Variants in CHODL observed in about 807,000 individuals in gnomAD.
CHODL encodes chondrolectin.
A neutral mutation model predicts 34.5 loss-of-function variants in CHODL; 29 were observed. That is an observed-to-expected ratio of 0.84 (90% CI 0.63 to 1.15). CHODL has a LOEUF of 1.15. Among genes scored for constraint, CHODL ranks in the 50% most tolerant of loss-of-function variants. CHODL has a pLI of 0.00. For missense variants in CHODL, 332 were observed against 332.5 expected, an observed-to-expected ratio of 1.00 and a Z score of 0.01; for synonymous variants, 125 against 116.1, an observed-to-expected ratio of 1.08 and a Z score of -0.49.
intron 1 of CHODL, among the ~76,000 whole-genome samples, chr21:17,964,626 G>A (rs1459091434): frequency 6.6e-6 from 1 of 152,168 alleles, no homozygotes; most frequent in African/African-American, 2.4e-5. Context: ...GTTTCTAACA[G>A]GTTAAGGATT....
chr21:17,976,947 G>T (rs936272855), intron 1 of CHODL, among the ~76,000 whole-genome samples: 2 of 152,130 alleles, frequency 1.3e-5, no homozygotes, highest in African/African-American at 4.8e-5. Flanking sequence ...ATTGTTGTCA[G>T]TTTCATCATA....
intron 1 of CHODL, among the ~76,000 whole-genome samples, chr21:18,247,431 C>A (rs1233653100): frequency 6.6e-6 from 1 of 152,088 alleles, no homozygotes; most frequent in Non-Finnish European, 1.5e-5. Flanking sequence ...CAAAATAATT[C>A]TCCACATAAA....
intron 2 of CHODL, among the ~76,000 whole-genome samples, chr21:18,047,948 G>A (rs529326216): frequency 7.0e-4 from 106 of 151,944 alleles, no homozygotes; most frequent in African/African-American, 2.5e-3. Context: ...TGGGAAAATG[G>A]CCACCAACTT....
chr21:18,166,150 G>A (rs962939179), intron 2 of CHODL, among the ~76,000 whole-genome samples: 1 of 152,050 alleles, frequency 6.6e-6, no homozygotes, highest in African/African-American at 2.4e-5. Flanking sequence ...TGTGTGGCTC[G>A]GGGCTGAGGA....
intron 2 of CHODL, among the ~76,000 whole-genome samples, chr21:18,185,636 T>C (rs892913483): frequency 3.9e-4 from 59 of 152,282 alleles, no homozygotes; most frequent in African/African-American, 1.4e-3. Flanking sequence ...TCAAACTTGT[T>C]TAGGCACATA....
chr21:18,146,997 C>A, intron 2 of CHODL, among the ~76,000 whole-genome samples: 1 of 152,232 alleles, frequency 6.6e-6, no homozygotes, highest in Admixed American at 6.5e-5. Flanking sequence ...TCTTTTAATC[C>A]TTTTAGCTTT....
Position 17,956,565 on chromosome 21 carries a change from C to T in CHODL, c.-145+39165C>T, listed in dbSNP as rs1437503129. Among the ~76,000 whole-genome samples, 3 of 136,716 alleles carry T rather than the reference C, an allele frequency of 2.2e-5. 1 individual carries two copies. The highest frequency in any genetic ancestry group is 5.0e-5 in the Non-Finnish European group (3 of 60,160). The allele number at this position is 136,716 out of a possible 152,430, so 89.7% of individuals were successfully genotyped here. On this transcript the variant is annotated intron_variant, in intron 1 of 6. Transcript: ENST00000400127. ...AACAAAAATATCAAAGACTAGATGG[C>T]TTATAAACAACATAAATTTATTTAT...
At position 18,057,599 on chromosome 21, in the gene CHODL, A is replaced by G. The variant is rs2846910; in HGVS notation, c.-45+29628A>G. The stretch of plus-strand genomic sequence containing the variant: ...TGTATAATGACAGGTATCCACTGTT[A>G]TTATATCATGCACAATGGTTTTGCT... On this transcript the variant is annotated intron_variant, in intron 2 of 6. Transcript: ENST00000400127. Among the ~76,000 whole-genome samples, 1,057 of 152,070 alleles carry G rather than the reference A, an allele frequency of 7.0e-3. 39 individuals are homozygous for G. The East Asian group carries it at 0.12, about 17-fold the overall frequency.
At chr21:17,967,896 C>T (rs1331340714) in intron 1 of CHODL, among the ~76,000 whole-genome samples, 2 of 152,124 alleles carry the variant, frequency 1.3e-5, no homozygotes, top group Non-Finnish European at 2.9e-5. Context: ...CCAATGCCTA[C>T]CTTGTTGGTT....
At chr21:18,214,188 T>G (rs1200541280) in intron 2 of CHODL, among the ~76,000 whole-genome samples, 2 of 152,108 alleles carry the variant, frequency 1.3e-5, no homozygotes, top group African/African-American at 4.8e-5. Context: ...TAGCCTGATA[T>G]TCTCCCCTCT....
chr21:18,193,296 GT>G (rs1463301478), intron 2 of CHODL, among the ~76,000 whole-genome samples: 1 of 152,172 alleles, frequency 6.6e-6, no homozygotes, highest in Non-Finnish European at 1.5e-5. Context: ...GATCCACAAT[GT>G]TTTTTAAGGG....
chr21:17,964,973 AT>A (rs1352254901), intron 1 of CHODL, among the ~76,000 whole-genome samples: 7 of 152,222 alleles, frequency 4.6e-5, no homozygotes, highest in Admixed American at 4.6e-4. Flanking sequence ...TCTGGAAACC[AT>A]CAGTAAATAA....
chr21:18,014,534 T>C (rs1396104512), intron 1 of CHODL, among the ~76,000 whole-genome samples: 5 of 152,158 alleles, frequency 3.3e-5, no homozygotes, highest in Non-Finnish European at 7.4e-5. Context: ...CATGTTGAAT[T>C]GTAATCCCCA....
chr21:18,137,955 A>C (rs2072753607), intron 2 of CHODL, among the ~76,000 whole-genome samples: 1 of 152,162 alleles, frequency 6.6e-6, no homozygotes, highest in South Asian at 2.1e-4. Flanking sequence ...ATACAATTTT[A>C]AAAACTCAAT....
rs529267460 is a variant in CHODL at position 17,947,816 on chromosome 21, GA to G, written c.-145+30424del. Among the ~76,000 whole-genome samples, 21 of 151,718 alleles carry G rather than the reference GA, an allele frequency of 1.4e-4. 1 individual carries two copies. Among genetic ancestry groups the G allele is most frequent in the Admixed American group, 2.0e-4 (3 of 15,252 alleles). On this transcript the variant is annotated intron_variant, in intron 1 of 6. Coordinates refer to the CHODL transcript ENST00000400127. ...CCCACTCCTAGATATCTGTCCAAAGGAAAAAAAATCATTACATAAAAACCGT... is the reference window on the plus strand; with the variant it reads ...CCCACTCCTAGATATCTGTCCAAAGGAAAAAAATCATTACATAAAAACCGT...
chr21:18,068,313 C>T (rs2064755773), intron 2 of CHODL, among the ~76,000 whole-genome samples: 1 of 151,860 alleles, frequency 6.6e-6, no homozygotes, highest in Admixed American at 6.6e-5. Context: ...TCTCCTGCCT[C>T]AGCCTACCAA....
At chr21:17,936,571 G>T (rs1029751228) in intron 1 of CHODL, among the ~76,000 whole-genome samples, 1 of 151,886 alleles carries the variant, frequency 6.6e-6, no homozygotes, top group African/African-American at 2.4e-5. Context: ...GAAAGCTGTT[G>T]TTTCATTATG....
chr21:18,160,843 TACTC>T (rs1347840541), intron 2 of CHODL, among the ~76,000 whole-genome samples: 1 of 152,216 alleles, frequency 6.6e-6, no homozygotes. Flanking sequence ...TATGGGTAGA[TACTC>T]AGTAATGGGA....
intron 2 of CHODL, among the ~76,000 whole-genome samples, chr21:18,082,765 C>T (rs551223055): frequency 2.2e-4 from 34 of 152,216 alleles, no homozygotes; most frequent in East Asian, 5.8e-4. Flanking sequence ...GAAGAAATTT[C>T]GAAGTGGCAA....
Sources: gnomAD v4.1 joint callset for allele counts (sites outside exome capture counted in the v4.1 genomes callset) on GRCh38, gnomAD v4.1.1 for gene constraint, MANE v1.5 for transcripts, NCBI Gene and HGNC (gene_info 2026-07-23, HGNC 2026-07-21) for gene names.